The following MIPOL1 variants were observed in gnomAD, a reference collection of about 807,000 sequenced individuals.
MIPOL1 encodes mirror-image polydactyly gene 1 protein.
MIPOL1 carries 57 observed loss-of-function variants against 60.9 expected under a neutral mutation model. The observed-to-expected ratio is 0.94, with a 90% confidence interval of 0.76 to 1.17. MIPOL1 has a LOEUF of 1.17. Ranked by LOEUF, MIPOL1 falls within the 50% of genes most tolerant of loss-of-function variation. MIPOL1 has a pLI of 0.00. For missense variants in MIPOL1, 551 were observed against 511.6 expected, an observed-to-expected ratio of 1.08 and a Z score of -0.74; for synonymous variants, 179 against 168.8, an observed-to-expected ratio of 1.06 and a Z score of -0.47.
chr14:37,304,540 C>A (rs2086625648), intron 7 of MIPOL1, among the ~76,000 whole-genome samples: 1 of 151,470 alleles, frequency 6.6e-6, no homozygotes, highest in Non-Finnish European at 1.5e-5. Context: ...AGAATAAAAG[C>A]AAACAAATCA....
rs116375529 is a variant in MIPOL1 at position 37,378,513 on chromosome 14, G to C, written c.936+8889G>C. Reference sequence around the variant, plus strand: ...AGTGGTTGCTAGGAGTTAGGTTTGGGAACAGGCTATGACTATGGAAAGGTA... The same window carrying C: ...AGTGGTTGCTAGGAGTTAGGTTTGGCAACAGGCTATGACTATGGAAAGGTA... On this transcript the variant is annotated intron_variant, in intron 10 of 12. Transcript: ENST00000684589. Among the ~76,000 whole-genome samples the C allele has an allele frequency of 3.0e-3, 460 of 152,078 alleles. 3 individuals carry two copies. The highest frequency in any genetic ancestry group is 9.4e-3 in the African/African-American group (391 of 41,530).
intron 12 of MIPOL1, among the ~76,000 whole-genome samples, chr14:37,517,191 G>A (rs548165492): frequency 6.6e-6 from 1 of 152,096 alleles, no homozygotes; most frequent in African/African-American, 2.4e-5. Context: ...ATGGCTATAA[G>A]GATCAAATGA....
chr14:37,247,997 TAGAC>T lies in MIPOL1; in HGVS notation c.19+94_19+97del. ...AGTGTGTTTGTTCTAACCAATATATTAGACAGAGGTAGACAAGTGCGCACACACA... is the reference window on the plus strand; with the variant it reads ...AGTGTGTTTGTTCTAACCAATATATTAGAGGTAGACAAGTGCGCACACACA... On this transcript the variant is annotated intron_variant, in intron 3 of 12. Transcript: ENST00000684589. 11 of 1,277,274 alleles carry T rather than the reference TAGAC, an allele frequency of 8.6e-6. No individual in the cohort carries two copies. The South Asian group carries it at 1.4e-4, about 17-fold the overall frequency. The allele number at this position is 1,277,274 out of a possible 1,614,324, so 79.1% of individuals were successfully genotyped here. A position where few individuals can be genotyped will look rare whatever the true frequency, so the allele number is the denominator to read the frequency against.
intron 10 of MIPOL1, among the ~76,000 whole-genome samples, chr14:37,394,116 AGTTT>A (rs1468799239): frequency 7.3e-6 from 1 of 136,476 alleles, no homozygotes; most frequent in African/African-American, 2.8e-5. Context: ...ATATATCCAC[AGTTT>A]GTTTATCCGC....
intron 10 of MIPOL1, among the ~76,000 whole-genome samples, chr14:37,392,958 A>G (rs1425304003): frequency 1.3e-5 from 2 of 152,178 alleles, no homozygotes; most frequent in Non-Finnish European, 2.9e-5. Context: ...TAGGATCTTC[A>G]TAAATGTAAT....
At chr14:37,514,041 G>A (rs1029642325) in intron 12 of MIPOL1, among the ~76,000 whole-genome samples, 6 of 152,024 alleles carry the variant, frequency 3.9e-5, no homozygotes, top group East Asian at 1.9e-4. Flanking sequence ...ATCCACTTAC[G>A]ATGATCATGT....
chr14:37,270,198 A>G (rs2083189576), intron 5 of MIPOL1, among the ~76,000 whole-genome samples: 1 of 152,178 alleles, frequency 6.6e-6, no homozygotes, highest in South Asian at 2.1e-4. Context: ...ACATATACAC[A>G]TAAATTAAGT....
chr14:37,356,717 CT>C (rs1292963303), intron 9 of MIPOL1, among the ~76,000 whole-genome samples: 10 of 152,332 alleles, frequency 6.6e-5, no homozygotes, highest in African/African-American at 1.4e-4. Context: ...AGGGAACTCC[CT>C]GACCCCTTGC....
At chr14:37,261,435 A>G (rs1427776383) in intron 3 of MIPOL1, among the ~76,000 whole-genome samples, 2 of 152,114 alleles carry the variant, frequency 1.3e-5, no homozygotes, top group African/African-American at 4.8e-5. Flanking sequence ...CTGTGCAACT[A>G]TATGCTGACT....
At chr14:37,218,567 C>T (rs1968158847) in intron 1 of MIPOL1, among the ~76,000 whole-genome samples, 1 of 152,014 alleles carries the variant, frequency 6.6e-6, no homozygotes, top group African/African-American at 2.4e-5. Context: ...ATCATGTGCA[C>T]TTGAAAATAT....
rs565646882 is a variant in MIPOL1, at chr14:37,270,361, T to C, written c.388-59T>C. On this transcript the variant is annotated intron_variant, in intron 5 of 12. Coordinates refer to ENST00000684589, the MANE Select transcript of MIPOL1 (RefSeq NM_001388067.1). ...AAAAACCAAAAACTTTGAAATTAATTATATTTTTGCAAGACATTTGTCAAA... is the reference window on the plus strand; with the variant it reads ...AAAAACCAAAAACTTTGAAATTAATCATATTTTTGCAAGACATTTGTCAAA... 5.9e-5 allele frequency: 51 copies of C among 859,368 alleles called. No individual in the cohort carries two copies. The African/African-American group carries it at 8.5e-4, about 14-fold the overall frequency. The allele number at this position is 859,368 out of a possible 1,614,324, so 53.2% of individuals were successfully genotyped here.
intron 6 of MIPOL1, chr14:37,276,829 T>G (rs2083695698): frequency 6.6e-6 from 1 of 151,206 alleles, no homozygotes; most frequent in Admixed American, 6.6e-5. Flanking sequence ...ATATGAACAC[T>G]AATTTCAGAT....
chr14:37,361,407 A>G (rs1457571671), intron 9 of MIPOL1, among the ~76,000 whole-genome samples: 5 of 151,978 alleles, frequency 3.3e-5, no homozygotes, highest in South Asian at 2.1e-4. Flanking sequence ...CTCATTGATC[A>G]GTCTAATATT....
At chr14:37,380,680 T>A (rs1448855386) in intron 10 of MIPOL1, among the ~76,000 whole-genome samples, 1 of 152,198 alleles carries the variant, frequency 6.6e-6, no homozygotes, top group Non-Finnish European at 1.5e-5. Context: ...TTACTAATGA[T>A]GTTTTTCTAA....
At chr14:37,218,924 C>CAAAAAAAAA (rs150658949) in intron 1 of MIPOL1, among the ~76,000 whole-genome samples, 1 of 106,712 alleles carries the variant, frequency 9.4e-6, no homozygotes, top group Non-Finnish European at 2.1e-5. Context: ...GACCCTATTT[C>CAAAAAAAAA]AAAAAAAAAA....
At chr14:37,435,409 C>A (rs1757174111) in intron 11 of MIPOL1, among the ~76,000 whole-genome samples, 1 of 152,126 alleles carries the variant, frequency 6.6e-6, no homozygotes, top group South Asian at 2.1e-4. Flanking sequence ...AATAGTGTAC[C>A]CTCTTACTAC....
chr14:37,438,824 A>G (rs940004147), intron 11 of MIPOL1, among the ~76,000 whole-genome samples: 2 of 152,218 alleles, frequency 1.3e-5, no homozygotes, highest in Admixed American at 1.3e-4. Context: ...GCATTATATC[A>G]TATGTTAGGC....
chr14:37,463,145 G>A (rs1347761586), intron 11 of MIPOL1, among the ~76,000 whole-genome samples: 6 of 152,290 alleles, frequency 3.9e-5, no homozygotes, highest in Admixed American at 3.9e-4. Context: ...ATGGCAGAAG[G>A]CAAGGAGGAG....
At chr14:37,327,387 A>G (rs1365807234) in intron 9 of MIPOL1, among the ~76,000 whole-genome samples, 1 of 152,064 alleles carries the variant, frequency 6.6e-6, no homozygotes, top group African/African-American at 2.4e-5. Context: ...TCCTAGGCTC[A>G]AGGGATCCTC....
Sources: allele counts gnomAD v4.1 joint callset (sites outside exome capture counted in the v4.1 genomes callset), GRCh38; gene constraint gnomAD v4.1.1; transcripts MANE v1.5; gene names NCBI Gene and HGNC (gene_info 2026-07-23, HGNC 2026-07-21).